CDH4: variants seen among roughly 807,000 people sequenced by gnomAD.
The protein encoded by CDH4 is cadherin-4.
A neutral mutation model predicts 86.0 loss-of-function variants in CDH4; 33 were observed. The ratio of observed to expected loss-of-function variants is 0.38; its 90% confidence interval spans 0.29 to 0.51. The LOEUF is 0.51. Ranked by LOEUF, CDH4 falls within the 20% of genes least tolerant of loss-of-function variation. CDH4 has a pLI of 0.86. For synonymous variants in CDH4, 555 were observed against 549.4 expected, an observed-to-expected ratio of 1.01 and a Z score of -0.14; for missense variants, 1,114 against 1,307.4, an observed-to-expected ratio of 0.85 and a Z score of 2.28.
At chr20:61,803,947 G>A (rs993399378) in intron 4 of CDH4, among the ~76,000 whole-genome samples, 1 of 152,278 alleles carries the variant, frequency 6.6e-6, no homozygotes, top group Non-Finnish European at 1.5e-5. Flanking sequence ...CGAGACGGCG[G>A]AGGTAATGGA....
intron 2 of CDH4, among the ~76,000 whole-genome samples, chr20:61,710,470 T>C (rs1241979299): frequency 6.6e-6 from 1 of 152,176 alleles, no homozygotes. Context: ...AGAGCCCCCC[T>C]CCTGGGGAGC....
chr20:61,902,924 C>G lies in CDH4; in HGVS notation c.1189-7498C>G, dbSNP rs1046711865. Among the ~76,000 whole-genome samples the G allele has an allele frequency of 1.4e-5, 2 of 146,220 alleles. No individual in the cohort carries two copies. Among genetic ancestry groups the G allele is most frequent in the African/African-American group, 2.6e-5 (1 of 38,952 alleles). Reference sequence around the variant, plus strand: ...GCTCCAGCTACATGGGAGGCCGAGGCAGGAGGATCACTTGAGCCCAGGAGT... The same window carrying G: ...GCTCCAGCTACATGGGAGGCCGAGGGAGGAGGATCACTTGAGCCCAGGAGT... On this transcript the variant is annotated intron_variant, in intron 8 of 15. Transcript: ENST00000614565. This position sits in a 1 kb window ranked among gnomAD's most constrained non-coding sequence, Gnocchi z 4.6.
chr20:61,411,847 C>G (rs374015473), intron 2 of CDH4, among the ~76,000 whole-genome samples: 4 of 152,178 alleles, frequency 2.6e-5, no homozygotes, highest in Admixed American at 1.3e-4. Flanking sequence ...AGCCAGGCCC[C>G]GATCAGTGCC....
At chr20:61,465,866 T>C (rs868299303) in intron 2 of CDH4, among the ~76,000 whole-genome samples, 2 of 133,978 alleles carry the variant, frequency 1.5e-5, no homozygotes, top group African/African-American at 2.9e-5. Flanking sequence ...CTTTTTTTTC[T>C]TTTTTTTTTT....
In CDH4 at chr20:61,602,117, G is replaced by A. The variant is rs115807353; in HGVS notation, c.170-141446G>A. The stretch of plus-strand genomic sequence containing the variant: ...CTGGCCCATACTGGGGGCTGCTGGC[G>A]ATGCTTTCTGGTGAATGCAGCAGGT... On this transcript the variant is annotated intron_variant, in intron 2 of 15. Transcript: ENST00000614565. 5.5e-3 allele frequency among the ~76,000 whole-genome samples: 832 copies of A among 152,278 alleles called. 8 individuals carry two copies. The highest frequency in any genetic ancestry group is 0.019 in the African/African-American group (784 of 41,570).
chr20:61,620,215 C>A (rs1478401848), intron 2 of CDH4, among the ~76,000 whole-genome samples: 49 of 23,658 alleles, frequency 2.1e-3, no homozygotes, highest in Non-Finnish European at 3.0e-3. Flanking sequence ...GACAGACAGG[C>A]AGGCTGGTAG....
chr20:61,392,074 C>T lies in CDH4; in HGVS notation c.169+137137C>T, dbSNP rs2084989468. Among the ~76,000 whole-genome samples the T allele has an allele frequency of 6.6e-6, 1 of 151,940 alleles. No homozygotes were observed. The highest frequency in any genetic ancestry group is 1.5e-5 in the Non-Finnish European group (1 of 68,028). On this transcript the variant is annotated intron_variant, in intron 2 of 15. Coordinates refer to ENST00000614565, the MANE Select transcript of CDH4 (RefSeq NM_001794.5). This position sits in a 1 kb window ranked among gnomAD's most constrained non-coding sequence, Gnocchi z 5.7. ...CCTCGCTTGCCGTGGGTTTCAGCAT[C>T]GCGGGGGCTGTGGAGAAAGGCCTAG...
At chr20:61,324,405 C>T (rs375202781) in intron 2 of CDH4, among the ~76,000 whole-genome samples, 60 of 152,296 alleles carry the variant, frequency 3.9e-4, no homozygotes, top group African/African-American at 1.3e-3. Flanking sequence ...GTCAAAGTGT[C>T]AGAGAGCCAT....
chr20:61,394,479 T>TA (rs1488997351), intron 2 of CDH4, among the ~76,000 whole-genome samples: 1 of 152,100 alleles, frequency 6.6e-6, no homozygotes, highest in Non-Finnish European at 1.5e-5. Context: ...TCCACTTTGA[T>TA]AGAGACATAG....
intron 2 of CDH4, among the ~76,000 whole-genome samples, chr20:61,639,183 T>C (rs1320025042): frequency 6.6e-6 from 1 of 152,226 alleles, no homozygotes; most frequent in South Asian, 2.1e-4. Flanking sequence ...ATTGAAAATG[T>C]AGCACAGCAG....
intron 3 of CDH4, among the ~76,000 whole-genome samples, chr20:61,770,766 C>T (rs1347534107): frequency 6.6e-6 from 1 of 151,816 alleles, no homozygotes; most frequent in Non-Finnish European, 1.5e-5. Context: ...GCCTGTAGTC[C>T]CAGCTACTCA....
chr20:61,622,185 G>T (rs925869545), intron 2 of CDH4, among the ~76,000 whole-genome samples: 1 of 152,248 alleles, frequency 6.6e-6, no homozygotes. Flanking sequence ...ACTGCGAAAC[G>T]CAGACTGCTC....
intron 2 of CDH4, among the ~76,000 whole-genome samples, chr20:61,474,682 A>G (rs1426987812): frequency 6.6e-6 from 1 of 151,980 alleles, no homozygotes; most frequent in African/African-American, 2.4e-5. Flanking sequence ...TTAAAATGTA[A>G]TTACAATTGC....
intron 2 of CDH4, among the ~76,000 whole-genome samples, chr20:61,307,502 G>A (rs2084423733): frequency 6.6e-6 from 1 of 152,230 alleles, no homozygotes; most frequent in African/African-American, 2.4e-5. Context: ...TCTCTGCCTA[G>A]GGGTGTGTTT....
intron 6 of CDH4, among the ~76,000 whole-genome samples, chr20:61,856,530 C>T (rs1012968713): frequency 1.8e-4 from 27 of 151,238 alleles, no homozygotes; most frequent in African/African-American, 4.6e-4. Context: ...ACACTCTTCC[C>T]CACCTCCCCC....
intron 2 of CDH4, among the ~76,000 whole-genome samples, chr20:61,366,471 G>A (rs2084811400): frequency 6.6e-6 from 1 of 152,090 alleles, no homozygotes. Flanking sequence ...GGAAATCAGG[G>A]GTCTCACAGC....
chr20:61,679,503 C>T (rs77511453), intron 2 of CDH4, among the ~76,000 whole-genome samples: 7,497 of 152,270 alleles, frequency 0.049, 229 homozygotes, highest in South Asian at 0.11. Context: ...CTCTAGATTC[C>T]GAAAGAATGG....
chr20:61,939,735 T>G lies in CDH4; in HGVS notation c.*2792T>G, dbSNP rs1449184599. 2.6e-5 allele frequency: 4 copies of G among 152,276 alleles called. No homozygotes were observed. The highest frequency in any genetic ancestry group is 4.4e-5 in the Non-Finnish European group (3 of 68,054). 9.4% of individuals were successfully genotyped at this position (152,276 alleles called of 1,614,324 possible). A position where few individuals can be genotyped will look rare whatever the true frequency, so the allele number is the denominator to read the frequency against. The stretch of plus-strand genomic sequence containing the variant: ...GCATGGTTTGGTTCCTTTAGGGAAT[T>G]TTTGTTTTGCAAACAGGAGAAACCT... On this transcript the variant is annotated 3_prime_UTR_variant, in exon 16 of 16. Coordinates refer to ENST00000614565, the MANE Select transcript of CDH4 (RefSeq NM_001794.5).
At position 61,703,893 on chromosome 20, in the gene CDH4, A is replaced by T. The variant is rs2087802393; in HGVS notation, c.170-39670A>T. The stretch of plus-strand genomic sequence containing the variant: ...GAAATATTAATTGTGACCTTTCAGA[A>T]CTCCCAATTAAATTTTTCCAATAAA... On this transcript the variant is annotated intron_variant, in intron 2 of 15. Coordinates refer to ENST00000614565, the MANE Select transcript of CDH4 (RefSeq NM_001794.5). This position sits in a 1 kb window ranked among gnomAD's most constrained non-coding sequence, Gnocchi z 4.3. 6.6e-6 allele frequency among the ~76,000 whole-genome samples: 1 copy of T among 152,108 alleles called. No individual in the cohort carries two copies. The highest frequency in any genetic ancestry group is 1.5e-5 in the Non-Finnish European group (1 of 68,024).
Sources: gnomAD v4.1 joint callset for allele counts (sites outside exome capture counted in the v4.1 genomes callset) on GRCh38, gnomAD v4.1.1 for gene constraint, Gnocchi (gnomAD v3.1) non-coding constraint, MANE v1.5 for transcripts, NCBI Gene and HGNC (gene_info 2026-07-23, HGNC 2026-07-21) for gene names.